Variants in PSORS1C1 observed in about 807,000 individuals in gnomAD.
PSORS1C1 encodes the protein psoriasis susceptibility 1 candidate gene 1 protein.
PSORS1C1 carries 7 observed loss-of-function variants against 9.4 expected under a neutral mutation model. The ratio of observed to expected loss-of-function variants is 0.75; its 90% CI spans 0.42 to 1.40. The LOEUF (loss-of-function observed/expected upper bound fraction) is 1.40, where lower values mean the gene tolerates loss of function less well. Among genes scored for constraint, PSORS1C1 ranks in the 40% most tolerant of loss-of-function variants. The pLI is 0.01. For missense variants in PSORS1C1, 146 were observed against 178.1 expected (o/e 0.82, Z 1.02); for synonymous variants, 63 against 69.4 (o/e 0.91, Z 0.46).
chr6:31,115,879 G>A lies in PSORS1C1; in HGVS notation c.-229+988G>A, dbSNP rs3094217. On this transcript the variant is annotated intron_variant, in intron 1 of 5. Coordinates refer to ENST00000259881, the MANE Select transcript of PSORS1C1 (RefSeq NM_014068.3). The surrounding 1 kb of genome is among the most constrained non-coding windows in gnomAD (Gnocchi z 4.2). ...GTGATAAGAGAGAGTCTGCAACCTT[G>A]GGGTAGTGGAGAAAGCAGAACCACT... 364,122 of 676,110 alleles carry A rather than the reference G, an allele frequency of 0.54. 101,395 individuals carry two copies. The highest frequency in any genetic ancestry group is 0.68 in the East Asian group (25,194 of 37,076). The allele number at this position is 676,110 out of a possible 1,614,324, so 41.9% of individuals were successfully genotyped here.
rs1292934103 is a variant in PSORS1C1, at chr6:31,139,922, C to T, written c.449C>T (p.Ser150Phe). 2.5e-6 allele frequency: 4 copies of T among 1,611,446 alleles called. No individual in the cohort carries two copies. The highest frequency in any genetic ancestry group is 3.4e-6 in the Non-Finnish European group (4 of 1,179,124). ...PPSHSPFGLS[S>F]LI Reference sequence around the variant, plus strand: ...TCCCATTCTCCTTTTGGTCTCAGCTCCTTGATCTAAGCCTCCCAGAGAGAC... The same window carrying T: ...TCCCATTCTCCTTTTGGTCTCAGCTTCTTGATCTAAGCCTCCCAGAGAGAC... The change falls in exon 6 of 6, where the codon TCC becomes TTC. Residue 150 changes from serine to phenylalanine, a missense_variant. Ser to Phe is a radical substitution (Grantham distance 155). Transcript: ENST00000259881. The surrounding 1 kb of genome is among the most constrained non-coding windows in gnomAD (Gnocchi z 5.2).
At chr6:31,117,454 G>T in intron 1 of PSORS1C1, 1 of 1,555,740 alleles carries the variant, frequency 6.4e-7, no homozygotes, top group East Asian at 2.4e-5. Flanking sequence ...AGTGAGGCAG[G>T]GGTCGTTAGG....
At chr6:31,114,967 G>A (rs1226336220) in intron 1 of PSORS1C1, 76 bp downstream of exon 1, 1 of 447,510 alleles carries the variant, frequency 2.2e-6, no homozygotes, top group Non-Finnish European at 4.5e-6. Flanking sequence ...GAAACACTGA[G>A]GGCCCTAAAT....
At chr6:31,119,659 G>C (rs1221372461) in intron 1 of PSORS1C1, among the ~76,000 whole-genome samples, 2 of 152,222 alleles carry the variant, frequency 1.3e-5, no homozygotes, top group African/African-American at 4.8e-5. Context: ...AGCACCTTGG[G>C]AGGCTGAGGC....
Position 31,115,966 on chromosome 6 carries a change from G to A in PSORS1C1, c.-229+1075G>A, listed in dbSNP as rs1581833266. The stretch of plus-strand genomic sequence containing the variant: ...CTGGGCACTGGACTTCTCCCATATG[G>A]GATATAGTGTATGTGCTTGTTTGTG... On this transcript the variant is annotated intron_variant, in intron 1 of 5. Transcript: ENST00000259881. This position sits in a 1 kb window ranked among gnomAD's most constrained non-coding sequence, Gnocchi z 4.2. The A allele has an allele frequency of 6.9e-7, 1 of 1,459,102 alleles. No homozygotes were observed. The highest frequency in any genetic ancestry group is 9.6e-7 in the Non-Finnish European group (1 of 1,043,150). The allele number at this position is 1,459,102 out of a possible 1,614,324, so 90.4% of individuals were successfully genotyped here. A position where few individuals can be genotyped will look rare whatever the true frequency, so the allele number is the denominator to read the frequency against.
intron 1 of PSORS1C1, chr6:31,116,536 T>C: frequency 6.2e-7 from 1 of 1,613,782 alleles, no homozygotes; most frequent in Non-Finnish European, 8.5e-7. Context: ...AGCTGCCGAC[T>C]GGCTGGGGAT....
chr6:31,137,739 A>G (rs1773217254), intron 3 of PSORS1C1: 1 of 401,848 alleles, frequency 2.5e-6, no homozygotes, highest in Non-Finnish European at 4.4e-6. Context: ...CTGTCAGAGG[A>G]AAAAACGGGC....
chr6:31,134,725 T>C (rs1345987940), intron 3 of PSORS1C1, among the ~76,000 whole-genome samples: 2 of 152,230 alleles, frequency 1.3e-5, no homozygotes, highest in Non-Finnish European at 2.9e-5. Flanking sequence ...CCTGGTCGGA[T>C]ACTTGATTGA....
At chr6:31,125,552 A>G (rs1383014912) in intron 1 of PSORS1C1, 124 bp from the exon 2 acceptor site, 1 of 152,212 alleles carries the variant, frequency 6.6e-6, no homozygotes, top group Non-Finnish European at 1.5e-5. Context: ...CTCTGCGAAG[A>G]CTGACCCTCC....
At chr6:31,123,889 G>A (rs544576416) in intron 1 of PSORS1C1, among the ~76,000 whole-genome samples, 1 of 152,212 alleles carries the variant, frequency 6.6e-6, no homozygotes, top group African/African-American at 2.4e-5. Flanking sequence ...GGAGAAGCGG[G>A]TAGGCACTTG....
intron 2 of PSORS1C1, among the ~76,000 whole-genome samples, chr6:31,127,638 A>G (rs1772738206): frequency 6.7e-6 from 1 of 150,338 alleles, no homozygotes; most frequent in African/African-American, 2.5e-5. Context: ...ACATGATGAA[A>G]CCCCATCTCT....
chr6:31,124,380 CA>C (rs1385224728), intron 1 of PSORS1C1, among the ~76,000 whole-genome samples: 2 of 152,190 alleles, frequency 1.3e-5, no homozygotes, highest in African/African-American at 2.4e-5. Flanking sequence ...TTGTCTTGTT[CA>C]ATCTTCACAA....
intron 1 of PSORS1C1, chr6:31,116,649 G>A (rs1772144329): frequency 1.2e-6 from 2 of 1,612,890 alleles, no homozygotes; most frequent in African/African-American, 1.3e-5. Flanking sequence ...TGGTGAAGTA[G>A]CCCACAGGGT....
chr6:31,139,752 C>T lies in PSORS1C1; in HGVS notation c.279C>T (p.His93=). ...TQEDILVPSS[H]PELFASVLPM... ...AGGATATCCTGGTTCCCTCTTCCCA[C>T]CCAGAGCTGTTTGCATCAGTCCTGC... Residue 93 remains histidine (H), a synonymous_variant, in exon 6 of 6, where the codon CAC becomes CAT. Coordinates refer to ENST00000259881, the MANE Select transcript of PSORS1C1 (RefSeq NM_014068.3). The surrounding 1 kb of genome is among the most constrained non-coding windows in gnomAD (Gnocchi z 5.2). The T allele has an allele frequency of 1.2e-6, 2 of 1,613,140 alleles. No homozygotes were observed. The highest frequency in any genetic ancestry group is 1.3e-5 in the African/African-American group (1 of 75,056).
intron 1 of PSORS1C1, chr6:31,120,518 A>C: frequency 9.3e-7 from 1 of 1,078,982 alleles, no homozygotes; most frequent in Non-Finnish European, 1.4e-6. Flanking sequence ...CTGTGGGGAG[A>C]GGAGGAGAGG....
intron 3 of PSORS1C1, among the ~76,000 whole-genome samples, chr6:31,136,029 G>C (rs1773123578): frequency 6.6e-6 from 1 of 152,124 alleles, no homozygotes; most frequent in Non-Finnish European, 1.5e-5. Flanking sequence ...CTCCAGCCTG[G>C]ATGACAGATG....
intron 1 of PSORS1C1, chr6:31,116,824 GCACCAGAACCGTGCTGGTC>G (rs1772158752): frequency 6.2e-7 from 1 of 1,613,910 alleles, no homozygotes; most frequent in Non-Finnish European, 8.5e-7. Flanking sequence ...CACTCCAGGG[GCACCAGAACCGTGCTGGTC>G]CACCACCACC....
At chr6:31,132,678 C>A (rs953876331) in intron 3 of PSORS1C1, among the ~76,000 whole-genome samples, 2 of 152,062 alleles carry the variant, frequency 1.3e-5, no homozygotes, top group Non-Finnish European at 2.9e-5. Context: ...GGCAAGACAT[C>A]ATTTCTGCAA....
chr6:31,116,651 C>A, intron 1 of PSORS1C1: 1 of 1,612,844 alleles, frequency 6.2e-7, no homozygotes, highest in Non-Finnish European at 8.5e-7. Flanking sequence ...GTGAAGTAGC[C>A]CACAGGGTAG....
Sources: allele counts gnomAD v4.1 joint callset (sites outside exome capture counted in the v4.1 genomes callset), GRCh38; gene constraint gnomAD v4.1.1; non-coding constraint Gnocchi (gnomAD v3.1); transcripts MANE v1.5; gene names NCBI Gene and HGNC (gene_info 2026-07-23, HGNC 2026-07-21).